The following SAXO1 variants were observed in gnomAD, a reference collection of about 807,000 sequenced individuals.
The protein encoded by SAXO1 is stabilizer of axonemal microtubules 1, also known as 4930500O09Rik.
Under a neutral mutation model 17.5 loss-of-function variants are expected in SAXO1, and 21 were observed. The observed-to-expected ratio is 1.20, with a 90% CI of 0.85 to 1.72. The LOEUF (loss-of-function observed/expected upper bound fraction) is 1.72, where lower values mean the gene tolerates loss of function less well. SAXO1 is among the 40% of genes most tolerant of loss of function. SAXO1 has a pLI of 0.00. For missense variants in SAXO1, 843 were observed against 596.0 expected, an observed-to-expected ratio of 1.41 and a Z score of -4.32; for synonymous variants, 274 against 216.5, an observed-to-expected ratio of 1.27 and a Z score of -2.33.
chr9:18,967,148 C>T (rs1054809422), intron 1 of SAXO1, among the ~76,000 whole-genome samples: 1 of 152,174 alleles, frequency 6.6e-6, no homozygotes, highest in Non-Finnish European at 1.5e-5. Context: ...CTGCCAGATG[C>T]CAGCTGGAGC....
At chr9:18,934,399 A>C (rs1443045862) in intron 3 of SAXO1, among the ~76,000 whole-genome samples, 1 of 151,998 alleles carries the variant, frequency 6.6e-6, no homozygotes, top group Non-Finnish European at 1.5e-5. Context: ...ATCTCTATTG[A>C]ACTATCCACA....
intron 3 of SAXO1, among the ~76,000 whole-genome samples, chr9:18,937,582 T>C (rs1030425341): frequency 6.6e-6 from 1 of 151,944 alleles, no homozygotes; most frequent in Non-Finnish European, 1.5e-5. Context: ...CCCAATACGG[T>C]GGTATTGGGA....
At chr9:19,023,590 C>T (rs1835340564) in intron 1 of SAXO1, among the ~76,000 whole-genome samples, 1 of 152,194 alleles carries the variant, frequency 6.6e-6, no homozygotes, top group South Asian at 2.1e-4. Flanking sequence ...CTGCAATACT[C>T]TGCCACTTCT....
chr9:19,032,633 AC>A (rs1231407292), intron 1 of SAXO1, among the ~76,000 whole-genome samples: 8 of 151,970 alleles, frequency 5.3e-5, no homozygotes, highest in African/African-American at 1.9e-4. Flanking sequence ...CCCATTTTCA[AC>A]CCTCCTGCAG....
chr9:18,946,982 G>A (rs1426196703), intron 2 of SAXO1, among the ~76,000 whole-genome samples: 1 of 152,104 alleles, frequency 6.6e-6, no homozygotes, highest in African/African-American at 2.4e-5. Context: ...AAAGATTGGG[G>A]AAAAGAAGTG....
At chr9:19,028,211 A>T (rs936901503) in intron 1 of SAXO1, 1 of 984,158 alleles carries the variant, frequency 1.0e-6, no homozygotes, top group Admixed American at 2.6e-5. Flanking sequence ...AAAACAAAAC[A>T]AAAAAAATAC....
chr9:18,987,545 C>T (rs998734642), intron 1 of SAXO1, among the ~76,000 whole-genome samples: 9 of 152,170 alleles, frequency 5.9e-5, no homozygotes, highest in African/African-American at 1.9e-4. Context: ...CTCCTGTGAC[C>T]TCCTGTATTC....
intron 1 of SAXO1, among the ~76,000 whole-genome samples, chr9:19,006,607 G>A (rs1419279852): frequency 1.3e-5 from 2 of 152,220 alleles, no homozygotes; most frequent in Non-Finnish European, 2.9e-5. Flanking sequence ...ACCAGGGCAG[G>A]ATGGGAGGGA....
rs868713158 is a variant in SAXO1, at chr9:18,928,621, T to A, written c.856A>T (p.Met286Leu). 1.2e-6 allele frequency: 2 copies of A among 1,614,018 alleles called. No homozygotes were observed. The highest frequency in any genetic ancestry group is 1.7e-6 in the Non-Finnish European group (2 of 1,179,996). ...TAGGTGATGGGAGCTTTGGAGAACATCCGGGGCATTGGCCAAGCTTGGTAC... is the reference window on the plus strand; with the variant it reads ...TAGGTGATGGGAGCTTTGGAGAACAACCGGGGCATTGGCCAAGCTTGGTAC... ...DKYQAWPMPR[M>L]FSKAPITYVP... is the part of the protein sequence containing the mutation. The change falls in exon 4 of 4, where the codon ATG becomes TTG. Residue 286 changes from methionine to leucine, a missense_variant. Physicochemically the swap from Met to Leu is conservative, Grantham distance 15 (BLOSUM62 2). Coordinates refer to ENST00000380534, the MANE Select transcript of SAXO1 (RefSeq NM_153707.4).
chr9:19,044,639 G>A (rs1391739731), intron 1 of SAXO1, among the ~76,000 whole-genome samples: 1 of 152,148 alleles, frequency 6.6e-6, no homozygotes, highest in Non-Finnish European at 1.5e-5. Context: ...TGAGGCGGCA[G>A]ATCACAAGGT....
intron 1 of SAXO1, among the ~76,000 whole-genome samples, chr9:18,977,856 A>G (rs998264826): frequency 6.6e-6 from 1 of 151,914 alleles, no homozygotes; most frequent in East Asian, 1.9e-4. Context: ...TTTACTTGGC[A>G]TGATGGAGCG....
At chr9:18,948,334 T>C (rs1369368922) in intron 2 of SAXO1, among the ~76,000 whole-genome samples, 1 of 152,230 alleles carries the variant, frequency 6.6e-6, no homozygotes, top group Non-Finnish European at 1.5e-5. Context: ...CTTCTCTTTT[T>C]AGGGTAGGAA....
intron 1 of SAXO1, among the ~76,000 whole-genome samples, chr9:18,971,749 T>G (rs1438182496): frequency 1.3e-5 from 2 of 152,206 alleles, no homozygotes; most frequent in African/African-American, 4.8e-5. Context: ...TTCTCTATTT[T>G]TCCTAGATGT....
At chr9:18,979,348 A>T (rs73431265) in intron 1 of SAXO1, among the ~76,000 whole-genome samples, 3,017 of 152,316 alleles carry the variant, frequency 0.02, 96 homozygotes, top group African/African-American at 0.068. Context: ...TTTTCATGTG[A>T]GGGTAGAAAA....
chr9:19,022,692 C>A (rs955975580), intron 1 of SAXO1, among the ~76,000 whole-genome samples: 2 of 152,146 alleles, frequency 1.3e-5, no homozygotes. Flanking sequence ...TACATTACAA[C>A]CCCAATTTGT....
chr9:18,998,240 C>G (rs992462980), intron 1 of SAXO1, among the ~76,000 whole-genome samples: 1 of 152,040 alleles, frequency 6.6e-6, no homozygotes, highest in Non-Finnish European at 1.5e-5. Context: ...GAATGGCTAA[C>G]TAGAATAACC....
At chr9:18,961,246 G>C (rs1318239352) in intron 1 of SAXO1, among the ~76,000 whole-genome samples, 2 of 151,738 alleles carry the variant, frequency 1.3e-5, no homozygotes, top group Non-Finnish European at 2.9e-5. Flanking sequence ...GGCCAGCTAA[G>C]TACAGCCTCA....
chr9:18,942,474 G>A (rs368574774), intron 2 of SAXO1, among the ~76,000 whole-genome samples: 7 of 152,100 alleles, frequency 4.6e-5, no homozygotes, highest in South Asian at 2.1e-4. Context: ...TTCAGGTGCC[G>A]CTGCCACCTT....
intron 1 of SAXO1, among the ~76,000 whole-genome samples, chr9:18,978,288 G>A (rs766894930): frequency 3.5e-4 from 53 of 152,048 alleles, no homozygotes; most frequent in Admixed American, 7.9e-4. Context: ...CTCCTAGCAC[G>A]CTTCCCAAAG....
Sources: allele counts gnomAD v4.1 joint callset (sites outside exome capture counted in the v4.1 genomes callset), GRCh38; gene constraint gnomAD v4.1.1; transcripts MANE v1.5; gene names NCBI Gene and HGNC (gene_info 2026-07-23, HGNC 2026-07-21).